Variants in DYRK4 observed in about 807,000 individuals in gnomAD.
The protein encoded by DYRK4 is dual specificity tyrosine phosphorylation regulated kinase 4, also known as dual specificity tyrosine-phosphorylation-regulated kinase 4.
Under a neutral mutation model 68.3 loss-of-function variants are expected in DYRK4, and 64 were observed. The ratio of observed to expected loss-of-function variants is 0.94; its 90% CI spans 0.77 to 1.15. The LOEUF is 1.15. Among genes scored for constraint, DYRK4 ranks in the 50% most tolerant of loss-of-function variants. The pLI, the probability that DYRK4 is intolerant of heterozygous loss-of-function variation, is 0.00. For missense variants in DYRK4, 740 were observed against 764.7 expected (o/e 0.97, Z 0.38); for synonymous variants, 274 against 289.9 (o/e 0.95, Z 0.56).
At position 4,604,950 on chromosome 12, in the gene DYRK4, C is replaced by T; in HGVS notation, c.1163C>T (p.Pro388Leu). The change falls in exon 11 of 15, where the codon CCA (proline) becomes CTA (leucine). Residue 388 changes from proline to leucine, a missense_variant. Pro to Leu is a moderately conservative substitution (Grantham distance 98). This residue lies in a region of DYRK4 where 614 missense variants were observed against 603.7 expected (regional missense o/e 1.02). Transcript: ENST00000543431. ...ATCCAAAGCCGGTTCTACCGATCCC[C>T]AGAAGTGATCCTGGGCCACCCCTAC... ...TYIQSRFYRSPEVILGHPYDV... is the reference protein window; with the variant it reads ...TYIQSRFYRSLEVILGHPYDV... 6.2e-7 allele frequency: 1 copy of T among 1,613,022 alleles called. No individual in the cohort carries two copies. The highest frequency in any genetic ancestry group is 2.2e-5 in the East Asian group (1 of 44,798).
chr12:4,612,906 A>G (rs1388123556), intron 14 of DYRK4, 188 bp downstream of exon 14: 7 of 584,756 alleles, frequency 1.2e-5, no homozygotes, highest in Middle Eastern at 4.7e-4. Flanking sequence ...CAATTTCTCT[A>G]ACCTCAACCT....
At chr12:4,598,364 G>A (rs992967086) in intron 8 of DYRK4, among the ~76,000 whole-genome samples, 1 of 152,190 alleles carries the variant, frequency 6.6e-6, no homozygotes, top group African/African-American at 2.4e-5. Context: ...CTTGCACAGA[G>A]GTTGCAACTG....
At chr12:4,588,368 G>C (rs1172655416) in intron 2 of DYRK4, among the ~76,000 whole-genome samples, 3 of 152,202 alleles carry the variant, frequency 2.0e-5, no homozygotes, top group African/African-American at 7.2e-5. Flanking sequence ...TCTGCGTACT[G>C]TACACATTAC....
chr12:4,599,251 A>G lies in DYRK4; in HGVS notation c.1044+85A>G. ...GGCCGTGTAACAATCACAAACTCCA[A>G]TCAAATAATTGCCTTTGACTTTTTT... is the stretch of plus-strand genomic sequence containing the variant. On this transcript the variant is annotated intron_variant, in intron 9 of 14. Coordinates refer to ENST00000543431, the MANE Select transcript of DYRK4 (RefSeq NM_001394779.1). 6 of 1,329,106 alleles carry G rather than the reference A, an allele frequency of 4.5e-6. No homozygotes were observed. The Admixed American group carries it at 9.4e-5, about 21-fold the overall frequency. 82.3% of individuals were successfully genotyped at this position (1,329,106 alleles called of 1,614,324 possible).
chr12:4,562,378 T>G, intron 1 of DYRK4, 95 bp downstream of exon 1: 1 of 1,426,826 alleles, frequency 7.0e-7, no homozygotes, highest in East Asian at 2.7e-5. Context: ...GGGGGGAGAA[T>G]GAAAAGCGTG....
intron 13 of DYRK4, chr12:4,610,504 TGCACGTATG>T (rs1373462929): frequency 1.8e-4 from 74 of 407,262 alleles, no homozygotes; most frequent in Non-Finnish European, 2.2e-5. Context: ...TGCTCTGTTT[TGCACGTATG>T]GAGGTTGGGG....
At chr12:4,602,651 G>A in intron 10 of DYRK4, 2 of 1,402,602 alleles carry the variant, frequency 1.4e-6, no homozygotes, top group Non-Finnish European at 2.0e-6. Flanking sequence ...GAAGATCTGG[G>A]TAACACCTGC....
chr12:4,606,998 T>G (rs1945159903), intron 11 of DYRK4, among the ~76,000 whole-genome samples: 1 of 152,258 alleles, frequency 6.6e-6, no homozygotes, highest in Non-Finnish European at 1.5e-5. Flanking sequence ...TATCATTCTT[T>G]AATTCTGACA....
At chr12:4,611,282 G>A (rs1945217442) in intron 13 of DYRK4, among the ~76,000 whole-genome samples, 1 of 152,132 alleles carries the variant, frequency 6.6e-6, no homozygotes, top group Non-Finnish European at 1.5e-5. Context: ...ATCAAGGTAG[G>A]GAAGGATCCT....
intron 10 of DYRK4, 93 bp downstream of exon 10, chr12:4,599,881 G>A: frequency 9.8e-7 from 1 of 1,025,138 alleles, no homozygotes; most frequent in Non-Finnish European, 1.5e-6. Context: ...GCTGCGCTCA[G>A]CTGTCACCAC....
intron 3 of DYRK4, 58 bp from the exon 4 acceptor site, chr12:4,590,272 C>G: frequency 6.7e-7 from 1 of 1,492,724 alleles, no homozygotes; most frequent in Non-Finnish European, 8.9e-7. Flanking sequence ...AGAAATGACC[C>G]CTGGAGACGT....
intron 10 of DYRK4, among the ~76,000 whole-genome samples, chr12:4,600,246 A>G (rs1049239721): frequency 6.6e-6 from 1 of 151,388 alleles, no homozygotes; most frequent in African/African-American, 2.5e-5. Flanking sequence ...GTACATTTTC[A>G]CAGCGTTTAC....
chr12:4,568,086 T>C, intron 2 of DYRK4, 38 bp downstream of exon 2: 1 of 1,521,762 alleles, frequency 6.6e-7, no homozygotes, highest in Non-Finnish European at 8.8e-7. Flanking sequence ...AAGAGAGGTA[T>C]CATTGCGAGG....
At chr12:4,563,091 T>C (rs1944644725) in intron 1 of DYRK4, 5 of 456,052 alleles carry the variant, frequency 1.1e-5, no homozygotes, top group Non-Finnish European at 2.2e-5. Flanking sequence ...CAGGAGGCCA[T>C]TTAGTGGAAA....
At chr12:4,599,279 T>TTG in intron 9 of DYRK4, 113 bp downstream of exon 9, 1 of 1,138,172 alleles carries the variant, frequency 8.8e-7, no homozygotes, top group Non-Finnish European at 1.2e-6. Flanking sequence ...ACTTTTTTTT[T>TTG]TTTTTTTTTT....
chr12:4,594,938 C>T (rs1229820155), intron 6 of DYRK4, among the ~76,000 whole-genome samples: 1 of 152,168 alleles, frequency 6.6e-6, no homozygotes, highest in Non-Finnish European at 1.5e-5. Flanking sequence ...ATCTACTAGA[C>T]TCTGGAAATA....
At position 4,599,291 on chromosome 12, in the gene DYRK4, T is replaced by TTA; in HGVS notation, c.1044+126_1044+127insAT. 2.8e-5 allele frequency: 28 copies of TTA among 1,008,830 alleles called. No homozygotes were observed. In the South Asian group the frequency reaches 4.3e-4, roughly 15 times the overall value. 62.5% of individuals were successfully genotyped at this position (1,008,830 alleles called of 1,614,324 possible). ...TTGACTTTTTTTTTTTTTTTTTTTT[T>TTA]TGGTGCTCTACTGTCATGGCAGTAT... is the stretch of plus-strand genomic sequence containing the variant. On this transcript the variant is annotated intron_variant, in intron 9 of 14. Coordinates refer to ENST00000543431, the MANE Select transcript of DYRK4 (RefSeq NM_001394779.1).
intron 2 of DYRK4, among the ~76,000 whole-genome samples, chr12:4,574,576 T>C (rs932242375): frequency 2.0e-5 from 3 of 152,238 alleles, no homozygotes; most frequent in African/African-American, 2.4e-5. Context: ...CTTTAAATAC[T>C]ATGAATATCA....
chr12:4,597,472 C>G (rs546352139), intron 8 of DYRK4, among the ~76,000 whole-genome samples: 21 of 152,250 alleles, frequency 1.4e-4, no homozygotes, highest in Non-Finnish European at 2.5e-4. Flanking sequence ...TGACACTCTC[C>G]TCACCATTTC....
Sources: allele counts gnomAD v4.1 joint callset (sites outside exome capture counted in the v4.1 genomes callset), GRCh38; gene constraint gnomAD v4.1.1; regional missense constraint gnomAD v4.1.1; transcripts MANE v1.5; gene names NCBI Gene and HGNC (gene_info 2026-07-23, HGNC 2026-07-21).